NELL1: variants seen among roughly 807,000 people sequenced by gnomAD.
The protein encoded by NELL1 is protein kinase C-binding protein NELL1.
A neutral mutation model predicts 107.4 loss-of-function variants in NELL1; 76 were observed. The observed-to-expected ratio is 0.71, with a 90% confidence interval of 0.59 to 0.86. The LOEUF is 0.86. Ranked by LOEUF, NELL1 falls within the 40% of genes least tolerant of loss-of-function variation. The pLI, the probability that NELL1 is intolerant of heterozygous loss-of-function variation, is 0.00. For synonymous variants in NELL1, 353 were observed against 341.2 expected, an observed-to-expected ratio of 1.03 and a Z score of -0.38; for missense variants, 1,024 against 1,005.5, an observed-to-expected ratio of 1.02 and a Z score of -0.25.
chr11:20,962,846 A>G (rs1851316790), intron 12 of NELL1, among the ~76,000 whole-genome samples: 3 of 152,024 alleles, frequency 2.0e-5, no homozygotes, highest in African/African-American at 7.2e-5. Context: ...TTGTATGGAG[A>G]CTTTCCATAA....
intron 15 of NELL1, among the ~76,000 whole-genome samples, chr11:21,445,303 T>A (rs982292413): frequency 8.6e-5 from 13 of 151,546 alleles, no homozygotes; most frequent in Non-Finnish European, 1.6e-4. Context: ...TTGTTTTTTG[T>A]TTTTGTTCTT....
At chr11:20,981,046 T>C (rs1324894667) in intron 12 of NELL1, among the ~76,000 whole-genome samples, 1 of 152,240 alleles carries the variant, frequency 6.6e-6, no homozygotes, top group African/African-American at 2.4e-5. Context: ...GTAATAGTCA[T>C]ATAACATGAG....
At chr11:20,810,699 G>GTATAA (rs1857484639) in intron 3 of NELL1, among the ~76,000 whole-genome samples, 1 of 151,992 alleles carries the variant, frequency 6.6e-6, no homozygotes, top group South Asian at 2.1e-4. Context: ...TTTCTTTTTT[G>GTATAA]TATAATGACC....
chr11:21,302,738 C>G (rs542063253), intron 14 of NELL1, among the ~76,000 whole-genome samples: 3 of 151,862 alleles, frequency 2.0e-5, no homozygotes, highest in South Asian at 4.2e-4. Context: ...AAACACTGCT[C>G]TAGGTTCTGT....
intron 2 of NELL1, among the ~76,000 whole-genome samples, chr11:20,775,714 C>T (rs191150815): frequency 6.6e-6 from 1 of 152,258 alleles, no homozygotes; most frequent in African/African-American, 2.4e-5. Flanking sequence ...ATTGATTTTC[C>T]TACTAGTATT....
chr11:20,882,318 C>T (rs1849424907), intron 4 of NELL1, among the ~76,000 whole-genome samples: 1 of 152,216 alleles, frequency 6.6e-6, no homozygotes, highest in African/African-American at 2.4e-5. Context: ...TAGGAAAATT[C>T]TGTGCGTATC....
chr11:21,346,097 CTA>C (rs1438924558), intron 14 of NELL1, among the ~76,000 whole-genome samples: 1 of 152,108 alleles, frequency 6.6e-6, no homozygotes, highest in Non-Finnish European at 1.5e-5. Context: ...GTTCCTGAAA[CTA>C]AAAATCCAGG....
chr11:21,515,495 T>C (rs1000727391), intron 15 of NELL1, among the ~76,000 whole-genome samples: 3 of 152,148 alleles, frequency 2.0e-5, no homozygotes, highest in African/African-American at 2.4e-5. Context: ...TAGCATATTA[T>C]GTTATAAAGA....
intron 5 of NELL1, among the ~76,000 whole-genome samples, chr11:20,916,659 C>G (rs1230711424): frequency 6.6e-6 from 1 of 151,786 alleles, no homozygotes; most frequent in African/African-American, 2.4e-5. Context: ...TGCCTAGGAG[C>G]CTCTGTTTTA....
At chr11:21,253,105 G>A (rs563843875) in intron 14 of NELL1, among the ~76,000 whole-genome samples, 6 of 152,174 alleles carry the variant, frequency 3.9e-5, no homozygotes, top group African/African-American at 1.2e-4. Flanking sequence ...AGACAACCAG[G>A]CATTTTAGAG....
intron 12 of NELL1, among the ~76,000 whole-genome samples, chr11:21,056,965 T>C (rs1853628792): frequency 6.8e-6 from 1 of 146,770 alleles, no homozygotes; most frequent in South Asian, 2.2e-4. Flanking sequence ...GTAAAAATAT[T>C]TGGGTAGCAA....
intron 14 of NELL1, among the ~76,000 whole-genome samples, chr11:21,236,662 A>C (rs1487963794): frequency 6.6e-6 from 1 of 152,146 alleles, no homozygotes; most frequent in Non-Finnish European, 1.5e-5. Flanking sequence ...GAGAGGCAAT[A>C]ATTAGGCTAA....
chr11:20,764,770 G>C (rs1002823803), intron 2 of NELL1, among the ~76,000 whole-genome samples: 1 of 34,556 alleles, frequency 2.9e-5, no homozygotes, highest in African/African-American at 1.6e-4. Flanking sequence ...TTCACAAAAG[G>C]CTGAGGGGGA....
intron 5 of NELL1, among the ~76,000 whole-genome samples, chr11:20,910,423 A>G (rs1475205235): frequency 6.6e-6 from 1 of 152,158 alleles, no homozygotes; most frequent in Non-Finnish European, 1.5e-5. Context: ...CAAATGGGGA[A>G]TCAATTTGCA....
At chr11:21,169,784 C>G in intron 13 of NELL1, 1 of 1,309,140 alleles carries the variant, frequency 7.6e-7, no homozygotes, top group Non-Finnish European at 1.1e-6. Context: ...GTCCCTCCTG[C>G]CGGGCACCCG....
At chr11:21,051,764 C>T (rs1160278180) in intron 12 of NELL1, among the ~76,000 whole-genome samples, 2 of 151,958 alleles carry the variant, frequency 1.3e-5, no homozygotes, top group Non-Finnish European at 2.9e-5. Context: ...TCTCCTGGCA[C>T]ATTCTTTCAT....
chr11:20,932,151 C>A (rs1421081515), intron 9 of NELL1, among the ~76,000 whole-genome samples: 1 of 152,000 alleles, frequency 6.6e-6, no homozygotes, highest in Non-Finnish European at 1.5e-5. Flanking sequence ...ATTTAATATA[C>A]CTATTTGCAC....
At chr11:21,363,064 G>A (rs1334555783) in intron 14 of NELL1, among the ~76,000 whole-genome samples, 2 of 152,160 alleles carry the variant, frequency 1.3e-5, no homozygotes, top group African/African-American at 2.4e-5. Flanking sequence ...CTACTCTTCT[G>A]AGAAAGCTCC....
chr11:21,553,933 T>A (rs1429297723), intron 16 of NELL1, among the ~76,000 whole-genome samples: 1 of 151,894 alleles, frequency 6.6e-6, no homozygotes, highest in Non-Finnish European at 1.5e-5. Context: ...AACAATACAG[T>A]GTGTATAGCT....
Sources: gnomAD v4.1 joint callset for allele counts (sites outside exome capture counted in the v4.1 genomes callset) on GRCh38, gnomAD v4.1.1 for gene constraint, MANE v1.5 for transcripts, NCBI Gene and HGNC (gene_info 2026-07-23, HGNC 2026-07-21) for gene names.